RPL35A: variants seen among roughly 807,000 people sequenced by gnomAD.
RPL35A encodes the protein ribosomal protein L35a.
A neutral mutation model predicts 16.7 loss-of-function variants in RPL35A; 1 was observed. That is an observed-to-expected ratio of 0.06 (90% CI 0.02 to 0.28). RPL35A has a LOEUF of 0.28. Ranked by LOEUF, RPL35A falls within the 10% of genes least tolerant of loss-of-function variation. The pLI, the probability that RPL35A is intolerant of heterozygous loss-of-function variation, is 1.00. For synonymous variants in RPL35A, 58 were observed against 47.0 expected, an observed-to-expected ratio of 1.23 and a Z score of -0.96; for missense variants, 91 against 138.7, an observed-to-expected ratio of 0.66 and a Z score of 1.73.
intron 3 of RPL35A, 154 bp from the exon 4 acceptor site, chr3:197,953,849 A>C (rs953643683): frequency 4.1e-6 from 3 of 728,580 alleles, no homozygotes; most frequent in Non-Finnish European, 4.9e-6. Flanking sequence ...TTACTCGATA[A>C]GTATCTGTTG....
At chr3:197,951,420 C>G in intron 3 of RPL35A, 109 bp downstream of exon 3, 1 of 1,236,454 alleles carries the variant, frequency 8.1e-7, no homozygotes, top group Non-Finnish European at 1.2e-6. Context: ...GTGACTTGGT[C>G]TCCCTCACCG....
At chr3:197,954,182 G>C (rs746312275) in intron 4 of RPL35A, 35 bp downstream of exon 4, 1 of 1,607,432 alleles carries the variant, frequency 6.2e-7, no homozygotes, top group Non-Finnish European at 8.5e-7. Context: ...GACGTCTGAT[G>C]AATCAGACTA....
intron 4 of RPL35A, among the ~76,000 whole-genome samples, chr3:197,955,409 C>T (rs1279336987): frequency 3.3e-5 from 5 of 151,964 alleles, no homozygotes; most frequent in Admixed American, 2.6e-4. Flanking sequence ...ACTATAGGCA[C>T]GTACCACCAT....
intron 3 of RPL35A, chr3:197,952,455 A>T (rs1486431584): frequency 6.6e-6 from 1 of 151,808 alleles, no homozygotes; most frequent in Admixed American, 6.6e-5. Context: ...GGCAGGAGCC[A>T]CGGTGCCCCG....
chr3:197,950,613 C>A, intron 1 of RPL35A: 1 of 419,824 alleles, frequency 2.4e-6, no homozygotes, highest in Non-Finnish European at 4.3e-6. Flanking sequence ...GTGTGTTTCT[C>A]TTTAAGGCTT....
At position 197,955,866 on chromosome 3, in the gene RPL35A, G is replaced by A; in HGVS notation, c.*93G>A. 4.6e-6 allele frequency: 5 copies of A among 1,080,668 alleles called. No homozygotes were observed. The allele number at this position is 1,080,668 out of a possible 1,614,324, so 66.9% of individuals were successfully genotyped here. A position where few individuals can be genotyped will look rare whatever the true frequency, so the allele number is the denominator to read the frequency against. On this transcript the variant is annotated 3_prime_UTR_variant, in exon 5 of 5. Coordinates refer to ENST00000647248, the MANE Select transcript of RPL35A (RefSeq NM_000996.4). ...ACTACCTTAAATTGATTTGCTACAT[G>A]CTTAAAATGATAGAGGTTGCTCAGC...
chr3:197,953,979 T>C (rs1309905129), intron 3 of RPL35A, 24 bp from the exon 4 acceptor site: 7 of 1,611,792 alleles, frequency 4.3e-6, no homozygotes, highest in Non-Finnish European at 5.1e-6. Flanking sequence ...CTTGTATTCC[T>C]CTTCTTTCCC....
chr3:197,951,480 G>A (rs746720295), intron 3 of RPL35A, 169 bp downstream of exon 3: 11 of 702,492 alleles, frequency 1.6e-5, no homozygotes, highest in Non-Finnish European at 2.4e-5. Context: ...AGCCTCCCGA[G>A]TAGCTGGGAT....
Position 197,951,042 on chromosome 3 carries a change from A to G in RPL35A, c.11+64A>G, listed in dbSNP as rs925571414. On this transcript the variant is annotated intron_variant, in intron 2 of 4. Coordinates refer to ENST00000647248, the MANE Select transcript of RPL35A (RefSeq NM_000996.4). ...AGACGTGAACGTAAATGCGAGCTTAAAATTGGCAAGAAAAAACTTAGATGT... is the reference window on the plus strand; with the variant it reads ...AGACGTGAACGTAAATGCGAGCTTAGAATTGGCAAGAAAAAACTTAGATGT... The G allele has an allele frequency of 5.6e-6, 9 of 1,604,748 alleles. No individual in the cohort carries two copies. In the Admixed American group the frequency reaches 1.3e-4, roughly 24 times the overall value.
intron 3 of RPL35A, 84 bp downstream of exon 3, chr3:197,951,395 C>A: frequency 1.4e-6 from 2 of 1,462,012 alleles, no homozygotes; most frequent in Non-Finnish European, 1.9e-6. Context: ...GCTCTGTTGC[C>A]GAGGCTGGAA....
intron 3 of RPL35A, among the ~76,000 whole-genome samples, chr3:197,953,026 C>G (rs1392267256): frequency 1.3e-5 from 2 of 151,964 alleles, no homozygotes; most frequent in Non-Finnish European, 2.9e-5. Flanking sequence ...GTCTCGAACT[C>G]CTGACCTCGT....
chr3:197,951,518 A>G (rs1224097252), intron 3 of RPL35A: 6 of 565,922 alleles, frequency 1.1e-5, no homozygotes, highest in Non-Finnish European at 1.9e-5. Flanking sequence ...ACGCCCGGCT[A>G]GTTTTTGTAT....
intron 3 of RPL35A, 198 bp downstream of exon 3, chr3:197,951,509 C>T (rs776012195): frequency 2.0e-5 from 12 of 586,258 alleles, no homozygotes; most frequent in Middle Eastern, 3.8e-4. Context: ...CCGGCCACCA[C>T]GCCCGGCTAG....
chr3:197,950,306 A>G (rs1376785436), intron 1 of RPL35A, 85 bp downstream of exon 1: 1 of 1,229,860 alleles, frequency 8.1e-7, no homozygotes, highest in African/African-American at 1.6e-5. Flanking sequence ...GCCGGTGCGT[A>G]TCGGAGTCTC....
rs939272243 is a variant in RPL35A, at chr3:197,955,990, A to G, written c.*217A>G. The stretch of plus-strand genomic sequence containing the variant: ...ACGGGTTTTAATGCGAGTATCTTTG[A>G]CAGAGTCTTGCTCTGTTGCCCATGC... On this transcript the variant is annotated 3_prime_UTR_variant, in exon 5 of 5. Coordinates refer to ENST00000647248, the MANE Select transcript of RPL35A (RefSeq NM_000996.4). The G allele has an allele frequency of 5.4e-6, 3 of 552,170 alleles. No individual in the cohort carries two copies. In the African/African-American group the frequency reaches 5.7e-5, roughly 10 times the overall value. The allele number at this position is 552,170 out of a possible 1,614,324, so 34.2% of individuals were successfully genotyped here. A position where few individuals can be genotyped will look rare whatever the true frequency, so the allele number is the denominator to read the frequency against.
At chr3:197,952,162 GTTTTTTTTTTT>G (rs1161903755) in intron 3 of RPL35A, among the ~76,000 whole-genome samples, 879 of 83,904 alleles carry the variant, frequency 0.01, 9 homozygotes, top group Non-Finnish European at 0.015. Context: ...AAAATTATGG[GTTTTTTTTTTT>G]TTTTTTTTTT....
intron 3 of RPL35A, chr3:197,953,771 TG>T: frequency 1.7e-6 from 1 of 593,800 alleles, no homozygotes; most frequent in South Asian, 2.0e-5. Flanking sequence ...TAAACTTACT[TG>T]GTTATCATGT....
intron 3 of RPL35A, chr3:197,952,514 GAC>G (rs1268284852): frequency 6.6e-6 from 1 of 151,276 alleles, no homozygotes; most frequent in Non-Finnish European, 1.5e-5. Context: ...TCTTTTTTGA[GAC>G]AGAGTTTTGC....
chr3:197,953,199 T>TC (rs1341354889), intron 3 of RPL35A, among the ~76,000 whole-genome samples: 1 of 152,212 alleles, frequency 6.6e-6, no homozygotes, highest in Non-Finnish European at 1.5e-5. Flanking sequence ...CACCTTTTCT[T>TC]CTACAGCCAA....
Sources: allele counts gnomAD v4.1 joint callset (sites outside exome capture counted in the v4.1 genomes callset), GRCh38; gene constraint gnomAD v4.1.1; transcripts MANE v1.5; gene names NCBI Gene and HGNC (gene_info 2026-07-23, HGNC 2026-07-21).